The following FAM13A variants were observed in gnomAD, a reference collection of about 807,000 sequenced individuals.
The protein encoded by FAM13A is family with sequence similarity 13 member A.
A neutral mutation model predicts 129.6 loss-of-function variants in FAM13A; 76 were observed. That is an observed-to-expected ratio of 0.59 (90% CI 0.49 to 0.71). The LOEUF (loss-of-function observed/expected upper bound fraction) is 0.71. Ranked by LOEUF, FAM13A falls within the 30% of genes least tolerant of loss-of-function variation. The pLI is 0.00. For missense variants in FAM13A, 1,108 were observed against 1,249.3 expected (o/e 0.89, Z 1.70); for synonymous variants, 443 against 449.9 (o/e 0.98, Z 0.20).
intron 13 of FAM13A, among the ~76,000 whole-genome samples, chr4:88,762,692 C>T (rs1289569631): frequency 6.6e-6 from 1 of 152,050 alleles, no homozygotes; most frequent in Non-Finnish European, 1.5e-5. Context: ...CAAATGTTAG[C>T]CTAGTCTGGG....
At chr4:88,804,429 G>C (rs1034524377) in intron 8 of FAM13A, among the ~76,000 whole-genome samples, 2 of 152,116 alleles carry the variant, frequency 1.3e-5, no homozygotes, top group Non-Finnish European at 2.9e-5. Flanking sequence ...TTGATTCTAG[G>C]CTGTATCTCA....
At position 88,731,396 on chromosome 4, in the gene FAM13A, C is replaced by G. The variant is rs1360561019; in HGVS notation, c.2876G>C (p.Arg959Thr). 3 of 1,605,754 alleles carry G rather than the reference C, an allele frequency of 1.9e-6. No homozygotes were observed. Among genetic ancestry groups the G allele is most frequent in the Non-Finnish European group, 2.5e-6 (3 of 1,179,322 alleles). ...PELLEHLQEM[R>T]EEKKRIRKKL... The stretch of plus-strand genomic sequence containing the variant: ...CTTTCGAATCCTTTTCTTTTCTTCT[C>G]TCATTTCCTGGAGGTGTTCCAGGAG... Residue 959 changes from arginine (R) to threonine (T), a missense_variant, in exon 23 of 24, where the codon AGA becomes ACA. Coordinates refer to ENST00000264344, the MANE Select transcript of FAM13A (RefSeq NM_014883.4).
Position 88,916,860 on chromosome 4 carries a change from A to T in FAM13A, c.760-10398T>A, listed in dbSNP as rs537770621. 4.4e-4 allele frequency among the ~76,000 whole-genome samples: 67 copies of T among 152,290 alleles called. 1 individual carries two copies. The East Asian group carries it at 7.1e-3, about 16-fold the overall frequency. On this transcript the variant is annotated intron_variant, in intron 5 of 23. Transcript: ENST00000264344. ...TTTTTTCAGAATCTATCATCAGATG[A>T]CATAGTAACTTCCTTAATTGTTTAT...
chr4:89,031,864 T>C (rs549166070), intron 1 of FAM13A, among the ~76,000 whole-genome samples: 203 of 152,306 alleles, frequency 1.3e-3, no homozygotes, highest in Non-Finnish European at 2.4e-3. Context: ...TCACAATTCC[T>C]TGATTTATTC....
At chr4:88,904,175 T>C (rs1747770443) in intron 6 of FAM13A, among the ~76,000 whole-genome samples, 1 of 152,152 alleles carries the variant, frequency 6.6e-6, no homozygotes, top group Admixed American at 6.5e-5. Context: ...GGTGGAAGTG[T>C]AAATTAGTTC....
chr4:88,776,021 T>G (rs1721636182), intron 11 of FAM13A, among the ~76,000 whole-genome samples: 2 of 152,218 alleles, frequency 1.3e-5, no homozygotes, highest in African/African-American at 2.4e-5. Flanking sequence ...GAACCTTGAC[T>G]GAGATTTCAT....
Position 88,769,320 on chromosome 4 carries a change from C to T in FAM13A, c.1459-1261G>A, listed in dbSNP as rs929692323. On this transcript the variant is annotated intron_variant, in intron 11 of 23. Transcript: ENST00000264344. Reference sequence around the variant, plus strand: ...TTTGCCTGGAATTCTCAGTTTGACACCCTGGGCTCCATTAAAGAATAGAAA... The same window carrying T: ...TTTGCCTGGAATTCTCAGTTTGACATCCTGGGCTCCATTAAAGAATAGAAA... 5.9e-5 allele frequency among the ~76,000 whole-genome samples: 9 copies of T among 152,240 alleles called. No individual in the cohort carries two copies. The South Asian group carries it at 1.7e-3, about 28-fold the overall frequency.
Position 88,822,033 on chromosome 4 carries a change from T to C in FAM13A, c.1008-16981A>G, listed in dbSNP as rs377256107. On this transcript the variant is annotated intron_variant, in intron 7 of 23. Transcript: ENST00000264344. ...TTTAAAAATGAAATTAGTTTTTGTCTAGTTTTTTTTATCCTTAAATAAACC... is the reference window on the plus strand; with the variant it reads ...TTTAAAAATGAAATTAGTTTTTGTCCAGTTTTTTTTATCCTTAAATAAACC... Among the ~76,000 whole-genome samples, 17 of 152,358 alleles carry C rather than the reference T, an allele frequency of 1.1e-4. 1 individual carries two copies. In the South Asian group the frequency reaches 3.3e-3, roughly 30 times the overall value.
intron 6 of FAM13A, among the ~76,000 whole-genome samples, chr4:88,895,930 A>AGT (rs1339742664): frequency 1.3e-5 from 2 of 148,960 alleles, no homozygotes; most frequent in African/African-American, 5.0e-5. Context: ...GTATATACCC[A>AGT]AAGGACTATA....
At chr4:88,899,722 C>A (rs1168714733) in intron 6 of FAM13A, among the ~76,000 whole-genome samples, 2 of 152,050 alleles carry the variant, frequency 1.3e-5, no homozygotes, top group Non-Finnish European at 2.9e-5. Flanking sequence ...GCTAGAGTGT[C>A]TCTTCTCCAA....
At chr4:88,816,044 A>C (rs1730656136) in intron 7 of FAM13A, among the ~76,000 whole-genome samples, 1 of 152,036 alleles carries the variant, frequency 6.6e-6, no homozygotes, top group South Asian at 2.1e-4. Context: ...TCTTAAAAAA[A>C]CCAAAGTAGA....
intron 4 of FAM13A, among the ~76,000 whole-genome samples, chr4:88,945,960 GTATC>G (rs1259350512): frequency 1.2e-5 from 1 of 81,780 alleles, no homozygotes; most frequent in Non-Finnish European, 2.5e-5. Flanking sequence ...TACACACATA[GTATC>G]TGTGTGTGTG....
At chr4:88,817,800 G>C (rs931353455) in intron 7 of FAM13A, among the ~76,000 whole-genome samples, 16 of 152,126 alleles carry the variant, frequency 1.1e-4, no homozygotes, top group Admixed American at 2.0e-4. Context: ...ATATTGATGC[G>C]ATGAAATGCA....
At chr4:88,947,126 C>G (rs1201053116) in intron 4 of FAM13A, among the ~76,000 whole-genome samples, 1 of 152,114 alleles carries the variant, frequency 6.6e-6, no homozygotes, top group Non-Finnish European at 1.5e-5. Flanking sequence ...AATGAAGTCC[C>G]AACTGGGAGC....
intron 7 of FAM13A, among the ~76,000 whole-genome samples, chr4:88,849,858 C>G (rs535448160): frequency 3.3e-5 from 5 of 152,292 alleles, no homozygotes; most frequent in African/African-American, 1.2e-4. Flanking sequence ...TGGCCTCACT[C>G]CACCTTTCCA....
intron 7 of FAM13A, among the ~76,000 whole-genome samples, chr4:88,845,735 A>C (rs995721714): frequency 1.3e-5 from 2 of 152,190 alleles, no homozygotes; most frequent in African/African-American, 4.8e-5. Flanking sequence ...AAGCAAGAGA[A>C]TCAAAGGGAA....
chr4:89,047,797 T>C (rs767055434), intron 1 of FAM13A, among the ~76,000 whole-genome samples: 6 of 152,144 alleles, frequency 3.9e-5, no homozygotes, highest in Admixed American at 6.5e-5. Context: ...TAAAGAACTT[T>C]TATAATTCAA....
intron 2 of FAM13A, among the ~76,000 whole-genome samples, chr4:89,022,980 C>G (rs1767473214): frequency 6.6e-6 from 1 of 152,180 alleles, no homozygotes; most frequent in Admixed American, 6.5e-5. Context: ...ACACCATGAT[C>G]ACGGCCTTGT....
At position 88,787,905 on chromosome 4, in the gene FAM13A, A is replaced by C; in HGVS notation, c.1119T>G (p.Ala373=). The C allele has an allele frequency of 6.2e-7, 1 of 1,613,348 alleles. No homozygotes were observed. The highest frequency in any genetic ancestry group is 8.5e-7 in the Non-Finnish European group (1 of 1,179,562). The change falls in exon 10 of 24, where the codon GCT becomes GCG. Residue 373 remains alanine (A), a synonymous_variant. Coordinates refer to ENST00000264344, the MANE Select transcript of FAM13A (RefSeq NM_014883.4). ...GELLERTIRS[A]VEQHLFDVNN... The stretch of plus-strand genomic sequence containing the variant: ...TAACATCAAAAAGATGTTGTTCTAC[A>C]GCTGATCGGATGGTTCTTTCTAAGA...
Sources: gnomAD v4.1 joint callset for allele counts (sites outside exome capture counted in the v4.1 genomes callset) on GRCh38, gnomAD v4.1.1 for gene constraint, MANE v1.5 for transcripts, NCBI Gene and HGNC (gene_info 2026-07-23, HGNC 2026-07-21) for gene names.